SH3GL2: variants seen among roughly 807,000 people sequenced by gnomAD.
The protein encoded by SH3GL2 is SH3 domain containing GRB2 like 2, endophilin A1, also known as endophilin-A1.
SH3GL2 carries 24 observed loss-of-function variants against 46.0 expected under a neutral mutation model. That is an observed-to-expected ratio of 0.52 (90% confidence interval 0.38 to 0.73). The LOEUF (loss-of-function observed/expected upper bound fraction) is 0.73, where lower values mean the gene tolerates loss of function less well. SH3GL2 is among the 30% of genes least tolerant of loss of function. The probability of loss-of-function intolerance (pLI) is 0.00; values close to 1 mark genes in which losing one functional copy is unlikely to be tolerated. For missense variants in SH3GL2, 413 were observed against 424.2 expected, an observed-to-expected ratio of 0.97 and a Z score of 0.23; for synonymous variants, 196 against 147.1, an observed-to-expected ratio of 1.33 and a Z score of -2.40.
chr9:17,603,846 C>G (rs1345866278), intron 1 of SH3GL2, among the ~76,000 whole-genome samples: 4 of 152,100 alleles, frequency 2.6e-5, no homozygotes, highest in Non-Finnish European at 5.9e-5. Context: ...GCCTGGGCAA[C>G]AAGAGCGAAA....
At chr9:17,677,624 G>GTA (rs60772491) in intron 1 of SH3GL2, among the ~76,000 whole-genome samples, 13,493 of 147,208 alleles carry the variant, frequency 0.092, 1,251 homozygotes, top group African/African-American at 0.23. Context: ...AAATTGTATG[G>GTA]TATATATATA....
At chr9:17,704,767 C>T (rs747218711) in intron 1 of SH3GL2, among the ~76,000 whole-genome samples, 1 of 151,996 alleles carries the variant, frequency 6.6e-6, no homozygotes, top group Non-Finnish European at 1.5e-5. Flanking sequence ...TTCCTTACAT[C>T]ATCTAAAAAA....
intron 1 of SH3GL2, among the ~76,000 whole-genome samples, chr9:17,691,914 GT>G (rs1348373374): frequency 3.9e-5 from 6 of 151,992 alleles, no homozygotes; most frequent in Non-Finnish European, 7.4e-5. Flanking sequence ...ATACTGAAAA[GT>G]TTTTTTCAGC....
At position 17,737,507 on chromosome 9, in the gene SH3GL2, G is replaced by A. The variant is rs117011931; in HGVS notation, c.46-9559G>A. 6.3e-3 allele frequency among the ~76,000 whole-genome samples: 965 copies of A among 151,978 alleles called. 4 individuals are homozygous for A. The highest frequency in any genetic ancestry group is 0.01 in the Non-Finnish European group (685 of 67,958). ...TTGTATTAACCTACATCACATATAC[G>A]CAGTTTGCACTGCTGGAAGCTATCA... On this transcript the variant is annotated intron_variant, in intron 1 of 8. Coordinates refer to ENST00000380607, the MANE Select transcript of SH3GL2 (RefSeq NM_003026.5).
chr9:17,651,188 G>A (rs931873399), intron 1 of SH3GL2, among the ~76,000 whole-genome samples: 1 of 151,972 alleles, frequency 6.6e-6, no homozygotes. Context: ...TGAAAAAAAT[G>A]TCTAAGCCAT....
chr9:17,732,123 CT>C (rs1253314261), intron 1 of SH3GL2, among the ~76,000 whole-genome samples: 1 of 152,012 alleles, frequency 6.6e-6, no homozygotes, highest in East Asian at 1.9e-4. Flanking sequence ...TTTTTTTGGA[CT>C]TCATCATATT....
At chr9:17,655,041 C>T (rs891683732) in intron 1 of SH3GL2, among the ~76,000 whole-genome samples, 4 of 152,152 alleles carry the variant, frequency 2.6e-5, no homozygotes, top group Non-Finnish European at 5.9e-5. Flanking sequence ...TGAAAAATCC[C>T]TCAGCAGCGA....
At position 17,579,188 on chromosome 9, in the gene SH3GL2, T is replaced by G. The variant is rs1467604485; in HGVS notation, c.-55T>G. The G allele has an allele frequency of 3.6e-6, 5 of 1,374,562 alleles. No individual in the cohort carries two copies. The highest frequency in any genetic ancestry group is 4.9e-6 in the Non-Finnish European group (5 of 1,013,432). The allele number at this position is 1,374,562 out of a possible 1,614,324, so 85.1% of individuals were successfully genotyped here. On this transcript the variant is annotated 5_prime_UTR_variant, in exon 1 of 9. Coordinates refer to ENST00000380607, the MANE Select transcript of SH3GL2 (RefSeq NM_003026.5). ...CGCGCCGCCCCGCTCGGCCCTCCAGTCCCCCTCCGCCTCCTCCCTCCCGCA... is the reference window on the plus strand; with the variant it reads ...CGCGCCGCCCCGCTCGGCCCTCCAGGCCCCCTCCGCCTCCTCCCTCCCGCA...
At chr9:17,783,561 A>G (rs1195077100) in intron 3 of SH3GL2, among the ~76,000 whole-genome samples, 1 of 152,032 alleles carries the variant, frequency 6.6e-6, no homozygotes, top group Non-Finnish European at 1.5e-5. Flanking sequence ...GCTACAGATT[A>G]TGCTTTAGAG....
intron 1 of SH3GL2, among the ~76,000 whole-genome samples, chr9:17,695,760 A>C (rs1383495398): frequency 6.6e-6 from 1 of 150,436 alleles, no homozygotes; most frequent in Admixed American, 6.6e-5. Context: ...GAATAAGCAC[A>C]GAAAAATCTA....
At chr9:17,740,191 C>A (rs2118488461) in intron 1 of SH3GL2, among the ~76,000 whole-genome samples, 1 of 152,160 alleles carries the variant, frequency 6.6e-6, no homozygotes, top group African/African-American at 2.4e-5. Flanking sequence ...TACTCATTTT[C>A]TAAGAAAATC....
At chr9:17,656,788 C>G (rs2147730) in intron 1 of SH3GL2, among the ~76,000 whole-genome samples, 1 of 132,440 alleles carries the variant, frequency 7.6e-6, no homozygotes, top group African/African-American at 2.8e-5. Context: ...AAAAAAAAAA[C>G]AAAAAAGGCT....
At chr9:17,592,677 G>T (rs1229799577) in intron 1 of SH3GL2, among the ~76,000 whole-genome samples, 5 of 152,132 alleles carry the variant, frequency 3.3e-5, no homozygotes, top group East Asian at 1.9e-4. Flanking sequence ...TGGGGATTCA[G>T]TGTTCTTAAG....
rs377183744 is a variant in SH3GL2, at chr9:17,579,092, G to C, written c.-151G>C. The C allele has an allele frequency of 8.1e-6, 4 of 496,492 alleles. No homozygotes were observed. The highest frequency in any genetic ancestry group is 3.8e-5 in the East Asian group (1 of 26,524). 30.8% of individuals were successfully genotyped at this position (496,492 alleles called of 1,614,324 possible). A position where few individuals can be genotyped will look rare whatever the true frequency, so the allele number is the denominator to read the frequency against. ...TCAGAGTGTTTCTCCGCAAGAGCCCGTGTCCCGCTAGGCTCCGCGCCCTCG... is the reference window on the plus strand; with the variant it reads ...TCAGAGTGTTTCTCCGCAAGAGCCCCTGTCCCGCTAGGCTCCGCGCCCTCG... On this transcript the variant is annotated 5_prime_UTR_variant, in exon 1 of 9. Coordinates refer to ENST00000380607, the MANE Select transcript of SH3GL2 (RefSeq NM_003026.5).
Position 17,614,295 on chromosome 9 carries a change from G to GGAAAAAAAAAAAA in SH3GL2, c.45+35008_45+35009insGAAAAAAAAAAAA, listed in dbSNP as rs762920242. Among the ~76,000 whole-genome samples the GGAAAAAAAAAAAA allele has an allele frequency of 1.1e-3, 78 of 70,298 alleles. 4 individuals are homozygous for GGAAAAAAAAAAAA. The East Asian group carries it at 0.032, about 29-fold the overall frequency. The allele number at this position is 70,298 out of a possible 152,430, so 46.1% of individuals were successfully genotyped here. A position where few individuals can be genotyped will look rare whatever the true frequency, so the allele number is the denominator to read the frequency against. On this transcript the variant is annotated intron_variant, in intron 1 of 8. Coordinates refer to ENST00000380607, the MANE Select transcript of SH3GL2 (RefSeq NM_003026.5). ...GTGACAGGGAACATGCATGGTTTCT[G>GGAAAAAAAAAAAA]AAAAAAAAAAAAAAAAAAAAAAAAA...
intron 3 of SH3GL2, among the ~76,000 whole-genome samples, chr9:17,782,682 C>T (rs143552162): frequency 6.6e-6 from 1 of 152,226 alleles, no homozygotes; most frequent in East Asian, 1.9e-4. Context: ...TTCCAAAGCA[C>T]AGTGGGCGGT....
At position 17,784,070 on chromosome 9, in the gene SH3GL2, A is replaced by G. The variant is rs1823887508; in HGVS notation, c.188-2311A>G. Among the ~76,000 whole-genome samples, 3 of 152,310 alleles carry G rather than the reference A, an allele frequency of 2.0e-5. No homozygotes were observed. The South Asian group carries it at 6.2e-4, about 32-fold the overall frequency. ...ATTAACCCAAGATTCTTAATATGTAATAAATTTGTGAATGAACTTAAAAGC... is the reference window on the plus strand; with the variant it reads ...ATTAACCCAAGATTCTTAATATGTAGTAAATTTGTGAATGAACTTAAAAGC... On this transcript the variant is annotated intron_variant, in intron 3 of 8. Coordinates refer to ENST00000380607, the MANE Select transcript of SH3GL2 (RefSeq NM_003026.5).
chr9:17,698,767 A>G (rs1821271577), intron 1 of SH3GL2, among the ~76,000 whole-genome samples: 2 of 152,340 alleles, frequency 1.3e-5, no homozygotes, highest in Admixed American at 1.3e-4. Context: ...ACAAGTACAG[A>G]TGTTTCTAAC....
chr9:17,651,621 G>A (rs1392580293), intron 1 of SH3GL2, among the ~76,000 whole-genome samples: 1 of 152,106 alleles, frequency 6.6e-6, no homozygotes, highest in Non-Finnish European at 1.5e-5. Context: ...CAGTTTGTGG[G>A]TGATAAATTC....
Sources: allele counts gnomAD v4.1 joint callset (sites outside exome capture counted in the v4.1 genomes callset), GRCh38; gene constraint gnomAD v4.1.1; transcripts MANE v1.5; gene names NCBI Gene and HGNC (gene_info 2026-07-23, HGNC 2026-07-21).